The following MEGF11 variants were observed in gnomAD, a reference collection of about 807,000 sequenced individuals.
The protein encoded by MEGF11 is multiple epidermal growth factor-like domains protein 11.
A neutral mutation model predicts 146.6 loss-of-function variants in MEGF11; 126 were observed. The observed-to-expected ratio is 0.86, with a 90% CI of 0.74 to 1.00. The LOEUF (loss-of-function observed/expected upper bound fraction) is 1.00. Among genes scored for constraint, MEGF11 ranks in the 50% least tolerant of loss-of-function variants. The pLI is 0.00. For synonymous variants in MEGF11, 532 were observed against 583.4 expected (o/e 0.91, Z 1.27); for missense variants, 1,509 against 1,521.2 (o/e 0.99, Z 0.13).
chr15:66,136,067 T>C (rs1322336974), intron 1 of MEGF11, among the ~76,000 whole-genome samples: 1 of 152,206 alleles, frequency 6.6e-6, no homozygotes, highest in East Asian at 1.9e-4. Flanking sequence ...AGGGAGATAA[T>C]GCAGAGGAGG....
intron 7 of MEGF11, among the ~76,000 whole-genome samples, chr15:65,976,009 C>T (rs973733787): frequency 6.7e-6 from 1 of 148,618 alleles, no homozygotes; most frequent in East Asian, 2.0e-4. Context: ...TCTCCTGCTG[C>T]AATGAGCTGA....
At chr15:65,985,496 A>ATGAAAC (rs1362788884) in intron 5 of MEGF11, among the ~76,000 whole-genome samples, 1 of 152,048 alleles carries the variant, frequency 6.6e-6, no homozygotes, top group Non-Finnish European at 1.5e-5. Flanking sequence ...TTGGTTCTGT[A>ATGAAAC]TGAAACTGTT....
chr15:66,129,387 G>C (rs1342855966), intron 1 of MEGF11, among the ~76,000 whole-genome samples: 3 of 152,228 alleles, frequency 2.0e-5, no homozygotes, highest in Non-Finnish European at 4.4e-5. Flanking sequence ...TCATCTGTAG[G>C]CTGAATGAAC....
intron 8 of MEGF11, among the ~76,000 whole-genome samples, chr15:65,965,579 T>C (rs1300301165): frequency 1.1e-3 from 17 of 15,140 alleles, no homozygotes; most frequent in African/African-American, 2.2e-3. Flanking sequence ...TCCCTTTCTT[T>C]CTTTCTTTCT....
At chr15:66,223,232 C>T (rs1282949362) in intron 1 of MEGF11, among the ~76,000 whole-genome samples, 1 of 152,116 alleles carries the variant, frequency 6.6e-6, no homozygotes, top group African/African-American at 2.4e-5. Context: ...TGAAAGAAAT[C>T]AGTCACAAAA....
chr15:66,046,716 G>A (rs1284058554), intron 5 of MEGF11, among the ~76,000 whole-genome samples: 1 of 152,214 alleles, frequency 6.6e-6, no homozygotes, highest in African/African-American at 2.4e-5. Flanking sequence ...CAGTGATGAG[G>A]AGAGATGCAG....
Position 66,003,096 on chromosome 15 carries a change from C to A in MEGF11, c.395-20608G>T, listed in dbSNP as rs553000812. Among the ~76,000 whole-genome samples the A allele has an allele frequency of 3.3e-5, 5 of 151,928 alleles. No homozygotes were observed. The South Asian group carries it at 1.0e-3, about 32-fold the overall frequency. Reference sequence around the variant, plus strand: ...GCAATCTCTGCCTCCTGGGTTCAAGCGATTCTCCTGCCTCAGCCTTCTGAG... The same window carrying A: ...GCAATCTCTGCCTCCTGGGTTCAAGAGATTCTCCTGCCTCAGCCTTCTGAG... On this transcript the variant is annotated intron_variant, in intron 5 of 25. Transcript: ENST00000395614.
chr15:65,962,779 C>T (rs2080908819), intron 9 of MEGF11, among the ~76,000 whole-genome samples: 1 of 152,068 alleles, frequency 6.6e-6, no homozygotes, highest in Non-Finnish European at 1.5e-5. Flanking sequence ...GCTGCTGGTG[C>T]CCTCAAGGAG....
At chr15:66,035,550 C>G (rs1949068497) in intron 5 of MEGF11, among the ~76,000 whole-genome samples, 1 of 152,184 alleles carries the variant, frequency 6.6e-6, no homozygotes, top group African/African-American at 2.4e-5. Context: ...AAGCTTTTAT[C>G]CAGCTTCCAC....
At chr15:66,155,305 G>A (rs1255480007) in intron 1 of MEGF11, among the ~76,000 whole-genome samples, 1 of 152,198 alleles carries the variant, frequency 6.6e-6, no homozygotes, top group Non-Finnish European at 1.5e-5. Flanking sequence ...ACAGGAGGGA[G>A]AGCCCTCGGC....
intron 1 of MEGF11, among the ~76,000 whole-genome samples, chr15:66,154,197 T>C (rs1217178413): frequency 6.6e-6 from 1 of 152,236 alleles, no homozygotes; most frequent in Non-Finnish European, 1.5e-5. Context: ...GTGTAACCCT[T>C]GCTACCCGAA....
chr15:65,946,696 G>A (rs756147640), intron 10 of MEGF11, among the ~76,000 whole-genome samples: 2 of 152,118 alleles, frequency 1.3e-5, no homozygotes, highest in Non-Finnish European at 1.5e-5. Flanking sequence ...CCAAGCCTGC[G>A]TGCTGGTTCT....
intron 1 of MEGF11, among the ~76,000 whole-genome samples, chr15:66,198,460 T>C (rs1005579410): frequency 1.3e-5 from 2 of 152,196 alleles, no homozygotes; most frequent in African/African-American, 4.8e-5. Flanking sequence ...CTGAAGCTCA[T>C]TCATCGAAGT....
chr15:66,069,568 G>A (rs2085280942), intron 5 of MEGF11, among the ~76,000 whole-genome samples: 1 of 152,174 alleles, frequency 6.6e-6, no homozygotes, highest in Non-Finnish European at 1.5e-5. Flanking sequence ...TCGGGACCAT[G>A]GTGATGCTGG....
chr15:66,150,734 C>T (rs2089535456), intron 1 of MEGF11, among the ~76,000 whole-genome samples: 1 of 151,786 alleles, frequency 6.6e-6, no homozygotes. Context: ...AGTCCAACCA[C>T]CTCTTTTTTC....
At chr15:65,960,199 G>C (rs1346506126) in intron 9 of MEGF11, among the ~76,000 whole-genome samples, 1 of 152,142 alleles carries the variant, frequency 6.6e-6, no homozygotes, top group East Asian at 1.9e-4. Flanking sequence ...TGCTATCTCT[G>C]GATTGAGAAA....
chr15:65,898,165 G>GTTCTA, intron 25 of MEGF11, 71 bp from the exon 26 acceptor site: 1 of 1,516,750 alleles, frequency 6.6e-7, no homozygotes, highest in Non-Finnish European at 8.9e-7. Flanking sequence ...GAGGAAGAGA[G>GTTCTA]TTCTACTTAA....
At chr15:66,226,582 C>G (rs1444792553) in intron 1 of MEGF11, among the ~76,000 whole-genome samples, 1 of 152,146 alleles carries the variant, frequency 6.6e-6, no homozygotes, top group South Asian at 2.1e-4. Flanking sequence ...CAAAGCGCAA[C>G]AGTAGTGATG....
At chr15:66,160,033 G>T (rs904400095) in intron 1 of MEGF11, among the ~76,000 whole-genome samples, 1 of 152,062 alleles carries the variant, frequency 6.6e-6, no homozygotes, top group African/African-American at 2.4e-5. Context: ...CTTTGCTAAT[G>T]GAACTCCAAT....
Sources: allele counts gnomAD v4.1 joint callset (sites outside exome capture counted in the v4.1 genomes callset), GRCh38; gene constraint gnomAD v4.1.1; transcripts MANE v1.5; gene names NCBI Gene and HGNC (gene_info 2026-07-23, HGNC 2026-07-21).